SCGB2B2: variants seen among roughly 807,000 people sequenced by gnomAD.
SCGB2B2 encodes the protein secretoglobin family 2B member 2.
A neutral mutation model predicts 7.6 loss-of-function variants in SCGB2B2; 11 were observed. The ratio of observed to expected loss-of-function variants is 1.45; its 90% CI spans 0.91 to 2.40. SCGB2B2 has a LOEUF of 2.40. Ranked by LOEUF, SCGB2B2 falls within the 30% of genes most tolerant of loss-of-function variation. The pLI, the probability that SCGB2B2 is intolerant of heterozygous loss-of-function variation, is 0.00. For synonymous variants in SCGB2B2, 50 were observed against 48.6 expected (o/e 1.03, Z -0.12); for missense variants, 104 against 115.4 (o/e 0.90, Z 0.45).
Position 34,605,768 on chromosome 19 carries a change from T to A in SCGB2B2, c.-2031-9174A>T, listed in dbSNP as rs552447302. Among the ~76,000 whole-genome samples, 251 of 152,010 alleles carry A rather than the reference T, an allele frequency of 1.7e-3. 1 individual carries two copies. Among genetic ancestry groups the A allele is most frequent in the African/African-American group, 5.6e-3 (232 of 41,476 alleles). On this transcript the variant is annotated intron_variant, in intron 1 of 3. Transcript: ENST00000601241. ...ATGTCTGGCTAATTTTTTTTTGTAT[T>A]TTTTTAGTAGACACGGGGTTCCTCC...
At chr19:34,614,244 C>T (rs915306104) in intron 1 of SCGB2B2, among the ~76,000 whole-genome samples, 1 of 152,102 alleles carries the variant, frequency 6.6e-6, no homozygotes, top group African/African-American at 2.4e-5. Flanking sequence ...TGAGTTCCAA[C>T]ATTTATTCAC....
intron 1 of SCGB2B2, among the ~76,000 whole-genome samples, chr19:34,664,839 G>A (rs1238692546): frequency 6.6e-6 from 1 of 152,036 alleles, no homozygotes; most frequent in African/African-American, 2.4e-5. Flanking sequence ...TAGAGGCCAG[G>A]AAGCAGCGGG....
intron 1 of SCGB2B2, among the ~76,000 whole-genome samples, chr19:34,652,842 T>C (rs1031162505): frequency 2.0e-5 from 3 of 151,212 alleles, no homozygotes; most frequent in Admixed American, 2.0e-4. Context: ...TGATCAAGAA[T>C]CCCATTACTG....
At chr19:34,625,406 G>A (rs946487233) in intron 1 of SCGB2B2, among the ~76,000 whole-genome samples, 10 of 152,144 alleles carry the variant, frequency 6.6e-5, no homozygotes, top group African/African-American at 1.9e-4. Flanking sequence ...ATGGAAAATC[G>A]GGTCACTCCC....
At chr19:34,638,529 A>C (rs1038119102) in intron 1 of SCGB2B2, among the ~76,000 whole-genome samples, 2 of 152,142 alleles carry the variant, frequency 1.3e-5, no homozygotes, top group East Asian at 3.9e-4. Flanking sequence ...ACAAAACTGA[A>C]ATCGGCAAAG....
intron 1 of SCGB2B2, among the ~76,000 whole-genome samples, chr19:34,653,009 G>GA (rs1206257919): frequency 6.6e-6 from 1 of 151,290 alleles, no homozygotes; most frequent in Non-Finnish European, 1.5e-5. Context: ...CATACACAAT[G>GA]AAATAGGATT....
intron 1 of SCGB2B2, among the ~76,000 whole-genome samples, chr19:34,627,878 A>C (rs1223563835): frequency 6.6e-6 from 1 of 152,204 alleles, no homozygotes; most frequent in African/African-American, 2.4e-5. Flanking sequence ...GAAGTAAAGC[A>C]CTCCTCTGCA....
chr19:34,607,946 T>C (rs1014689868), intron 1 of SCGB2B2, among the ~76,000 whole-genome samples: 13 of 151,614 alleles, frequency 8.6e-5, no homozygotes, highest in African/African-American at 2.4e-4. Flanking sequence ...TTGAGCTTTT[T>C]TGTGATTCCA....
chr19:34,604,544 T>C (rs1260164667), intron 1 of SCGB2B2, among the ~76,000 whole-genome samples: 2 of 152,236 alleles, frequency 1.3e-5, no homozygotes, highest in Non-Finnish European at 2.9e-5. Flanking sequence ...GATTGTCATT[T>C]TAATCTATTG....
At chr19:34,612,958 A>G (rs1466474660) in intron 1 of SCGB2B2, among the ~76,000 whole-genome samples, 1 of 152,130 alleles carries the variant, frequency 6.6e-6, no homozygotes, top group Admixed American at 6.5e-5. Context: ...GGAGTCATTT[A>G]TCCTTTTATC....
intron 1 of SCGB2B2, among the ~76,000 whole-genome samples, chr19:34,629,859 A>T (rs2066478808): frequency 6.6e-6 from 1 of 152,030 alleles, no homozygotes; most frequent in South Asian, 2.1e-4. Context: ...CCTGACTTCA[A>T]ACTATACTAC....
intron 1 of SCGB2B2, among the ~76,000 whole-genome samples, chr19:34,658,288 A>C (rs1008183916): frequency 6.6e-6 from 1 of 151,782 alleles, no homozygotes; most frequent in Non-Finnish European, 1.5e-5. Flanking sequence ...AAAACCCTTC[A>C]AAAAAAATCA....
At position 34,592,236 on chromosome 19, in the gene SCGB2B2, C is replaced by G. The variant is rs557444233; in HGVS notation, c.*1319G>C. On this transcript the variant is annotated 3_prime_UTR_variant, in exon 4 of 4. Coordinates refer to ENST00000601241, the MANE Select transcript of SCGB2B2 (RefSeq NM_001025591.4). ...GAGGAGAAGAATGTTGAAAGGAAAT[C>G]TGGGAGTGCAAAGATAGGGTGGTCA... Among the ~76,000 whole-genome samples, 17 of 152,162 alleles carry G rather than the reference C, an allele frequency of 1.1e-4. No homozygotes were observed. The highest frequency in any genetic ancestry group is 4.1e-4 in the African/African-American group (17 of 41,504).
At chr19:34,626,641 C>G (rs998209914) in intron 1 of SCGB2B2, among the ~76,000 whole-genome samples, 1 of 152,142 alleles carries the variant, frequency 6.6e-6, no homozygotes. Flanking sequence ...ATTGGTGTAC[C>G]TGAAAGTGAT....
chr19:34,661,774 A>G (rs1360893361), intron 1 of SCGB2B2, among the ~76,000 whole-genome samples: 1 of 152,150 alleles, frequency 6.6e-6, no homozygotes, highest in Non-Finnish European at 1.5e-5. Flanking sequence ...ACAGCTTTGA[A>G]TGTGGCCCAA....
intron 1 of SCGB2B2, among the ~76,000 whole-genome samples, chr19:34,619,850 T>TA (rs34404851): frequency 0.11 from 17,160 of 152,214 alleles, 1,064 homozygotes; most frequent in South Asian, 0.19. Flanking sequence ...AGAATTAACA[T>TA]AATAATGTCC....
At chr19:34,654,014 A>C (rs2067225434) in intron 1 of SCGB2B2, among the ~76,000 whole-genome samples, 1 of 151,010 alleles carries the variant, frequency 6.6e-6, no homozygotes, top group Non-Finnish European at 1.5e-5. Flanking sequence ...AAAAAAAAGA[A>C]GTAAAACTTT....
At chr19:34,620,447 A>T (rs1231213079) in intron 1 of SCGB2B2, among the ~76,000 whole-genome samples, 2 of 140,404 alleles carry the variant, frequency 1.4e-5, no homozygotes, top group Non-Finnish European at 3.0e-5. Context: ...CAAACACTGC[A>T]TGTTCTCACT....
intron 1 of SCGB2B2, among the ~76,000 whole-genome samples, chr19:34,663,041 C>T (rs115026195): frequency 0.02 from 3,009 of 152,316 alleles, 102 homozygotes; most frequent in African/African-American, 0.067. Context: ...GAGGCCTCAA[C>T]CTCATTACAC....
Sources: allele counts gnomAD v4.1 joint callset (sites outside exome capture counted in the v4.1 genomes callset), GRCh38; gene constraint gnomAD v4.1.1; transcripts MANE v1.5; gene names NCBI Gene and HGNC (gene_info 2026-07-23, HGNC 2026-07-21).